ADAMTSL1: variants seen among roughly 807,000 people sequenced by gnomAD.
The protein encoded by ADAMTSL1 is ADAMTS-like protein 1.
A neutral mutation model predicts 201.8 loss-of-function variants in ADAMTSL1; 126 were observed. The ratio of observed to expected loss-of-function variants is 0.62; its 90% confidence interval spans 0.54 to 0.72. The LOEUF is 0.72. ADAMTSL1 is among the 30% of genes least tolerant of loss of function. The pLI, the probability that ADAMTSL1 is intolerant of heterozygous loss-of-function variation, is 0.00. For missense variants in ADAMTSL1, 2,679 were observed against 2,277.8 expected (o/e 1.18, Z -3.59); for synonymous variants, 1,121 against 903.4 (o/e 1.24, Z -4.32).
At chr9:18,176,762 T>A (rs1414772247) in intron 2 of ADAMTSL1, among the ~76,000 whole-genome samples, 1 of 152,190 alleles carries the variant, frequency 6.6e-6, no homozygotes, top group East Asian at 1.9e-4. Flanking sequence ...GAGTTCAGAA[T>A]GTTAACATTT....
chr9:18,400,381 T>A (rs568131309), intron 2 of ADAMTSL1, among the ~76,000 whole-genome samples: 1 of 152,320 alleles, frequency 6.6e-6, no homozygotes, highest in South Asian at 2.1e-4. Context: ...TTTAAAAGTT[T>A]CTTTTAACTT....
Position 18,292,864 on chromosome 9 carries a change from A to G in ADAMTSL1, c.207+128883A>G, listed in dbSNP as rs187752147. ...TTCCTCAACTTGCAGATAACCTATC[A>G]TGGGATTACCTTGTGATCATGTGAG... is the stretch of plus-strand genomic sequence containing the variant. On this transcript the variant is annotated intron_variant, in intron 2 of 29. Coordinates refer to the ADAMTSL1 transcript ENST00000680146. Among the ~76,000 whole-genome samples, 434 of 152,288 alleles carry G rather than the reference A, an allele frequency of 2.8e-3. 1 individual carries two copies. The highest frequency in any genetic ancestry group is 6.8e-3 in the Middle Eastern group (2 of 292).
At chr9:18,204,354 C>G (rs534200874) in intron 2 of ADAMTSL1, among the ~76,000 whole-genome samples, 1 of 152,224 alleles carries the variant, frequency 6.6e-6, no homozygotes, top group African/African-American at 2.4e-5. Context: ...ACTTCTCCTT[C>G]CTGCCACCTT....
chr9:18,137,003 G>C lies in ADAMTSL1; in HGVS notation c.88-26859G>C, dbSNP rs150282344. Among the ~76,000 whole-genome samples the C allele has an allele frequency of 3.0e-3, 450 of 152,258 alleles. 2 individuals are homozygous for C. Among genetic ancestry groups the C allele is most frequent in the Non-Finnish European group, 3.8e-3 (256 of 68,018 alleles). ...TGAGGCAGGGTGTCTGAGTATCATG[G>C]GAAGGGAAGGGAAAGAGTTGAAGCA... On this transcript the variant is annotated intron_variant, in intron 1 of 29. Transcript: ENST00000680146.
chr9:18,802,550 A>G (rs909076141), intron 20 of ADAMTSL1, among the ~76,000 whole-genome samples: 3 of 152,194 alleles, frequency 2.0e-5, no homozygotes, highest in African/African-American at 7.2e-5. Context: ...ATTCTTGTTT[A>G]TGGTAGAATA....
At chr9:17,957,177 G>C (rs1275832070) in intron 1 of ADAMTSL1, among the ~76,000 whole-genome samples, 1 of 152,112 alleles carries the variant, frequency 6.6e-6, no homozygotes, top group Non-Finnish European at 1.5e-5. Context: ...TTATTTTAAA[G>C]ATCAATAAAA....
At chr9:18,711,331 G>A (rs1227105678) in intron 14 of ADAMTSL1, among the ~76,000 whole-genome samples, 1 of 150,474 alleles carries the variant, frequency 6.6e-6, no homozygotes, top group Non-Finnish European at 1.5e-5. Context: ...TCCATCTGAG[G>A]TACTGGGTTC....
intron 2 of ADAMTSL1, among the ~76,000 whole-genome samples, chr9:18,522,939 C>A (rs1818793671): frequency 6.6e-6 from 1 of 152,118 alleles, no homozygotes; most frequent in East Asian, 1.9e-4. Context: ...GATTTATAAT[C>A]CTTTGGGTAT....
At chr9:18,401,817 C>T (rs1220410385) in intron 2 of ADAMTSL1, among the ~76,000 whole-genome samples, 1 of 152,150 alleles carries the variant, frequency 6.6e-6, no homozygotes, top group Non-Finnish European at 1.5e-5. Flanking sequence ...GTGATCTCAG[C>T]TGTGCTTCTG....
In ADAMTSL1 at chr9:18,908,538, G is replaced by A. The variant is rs1401637907; in HGVS notation, c.5279G>A (p.Gly1760Asp). The change falls in exon 29 of 29, where the codon GGC (glycine) becomes GAC (aspartate). Residue 1760 changes from glycine to aspartate, a missense_variant. Transcript: ENST00000380548. Reference sequence around the variant, plus strand: ...AAATCTCGCTGCTGTGGAACTTGTGGCAAAGCGTGAAGATAGGGTGTGGGG... The same window carrying A: ...AAATCTCGCTGCTGTGGAACTTGTGACAAAGCGTGAAGATAGGGTGTGGGG... ...QFKSRCCGTC[G>D]KA 4 of 1,560,538 alleles carry A rather than the reference G, an allele frequency of 2.6e-6. No homozygotes were observed. Among genetic ancestry groups the A allele is most frequent in the African/African-American group, 1.4e-5 (1 of 73,372 alleles).
intron 2 of ADAMTSL1, among the ~76,000 whole-genome samples, chr9:18,506,747 C>T (rs1817686559): frequency 6.6e-6 from 1 of 151,750 alleles, no homozygotes; most frequent in South Asian, 2.1e-4. Context: ...AAGATATGTC[C>T]CTATTTTACT....
intron 23 of ADAMTSL1, among the ~76,000 whole-genome samples, chr9:18,846,360 G>A (rs1009173239): frequency 7.2e-5 from 11 of 152,202 alleles, no homozygotes; most frequent in African/African-American, 2.7e-4. Context: ...AAGACTGGAA[G>A]ACTGGATAGA....
intron 2 of ADAMTSL1, among the ~76,000 whole-genome samples, chr9:18,197,114 C>G (rs1040021552): frequency 1.3e-5 from 2 of 152,094 alleles, no homozygotes; most frequent in African/African-American, 4.8e-5. Flanking sequence ...TTGTGACTGT[C>G]TTATTCAGAG....
At position 18,555,783 on chromosome 9, in the gene ADAMTSL1, T is replaced by C. The variant is rs146451285; in HGVS notation, c.238-18247T>C. ...TCATGTCAGCCAGAGGAGTGAAACA[T>C]TGAGAGAATGGCAAATATGCCAACA... On this transcript the variant is annotated intron_variant, in intron 3 of 28. Coordinates refer to ENST00000380548, the MANE Select transcript of ADAMTSL1 (RefSeq NM_001040272.6). Among the ~76,000 whole-genome samples, 11 of 151,954 alleles carry C rather than the reference T, an allele frequency of 7.2e-5. No homozygotes were observed. In the East Asian group the frequency reaches 1.2e-3, roughly 16 times the overall value.
chr9:18,620,713 C>A (rs2132664495), intron 4 of ADAMTSL1, among the ~76,000 whole-genome samples: 1 of 152,292 alleles, frequency 6.6e-6, no homozygotes, highest in East Asian at 1.9e-4. Flanking sequence ...AACTGCTCCT[C>A]AGCTACACTG....
chr9:17,976,470 A>G (rs1288844854), intron 1 of ADAMTSL1, among the ~76,000 whole-genome samples: 1 of 151,680 alleles, frequency 6.6e-6, no homozygotes, highest in Non-Finnish European at 1.5e-5. Flanking sequence ...CCTAAGTATC[A>G]CATTCTTTTT....
In ADAMTSL1 at chr9:18,565,226, G is replaced by A. The variant is rs184446505; in HGVS notation, c.238-8804G>A. On this transcript the variant is annotated intron_variant, in intron 3 of 28. Coordinates refer to ENST00000380548, the MANE Select transcript of ADAMTSL1 (RefSeq NM_001040272.6). ...ACAGTTTAAAGCTTTCAATATACCTGTAACTAGTGTTCTCTTAGTAAACAC... is the reference window on the plus strand; with the variant it reads ...ACAGTTTAAAGCTTTCAATATACCTATAACTAGTGTTCTCTTAGTAAACAC... Among the ~76,000 whole-genome samples the A allele has an allele frequency of 1.7e-3, 263 of 152,236 alleles. 2 individuals are homozygous for A. Among genetic ancestry groups the A allele is most frequent in the Non-Finnish European group, 2.1e-3 (141 of 68,002 alleles).
chr9:18,296,393 T>C (rs1300819742), intron 2 of ADAMTSL1, among the ~76,000 whole-genome samples: 2 of 152,180 alleles, frequency 1.3e-5, no homozygotes, highest in Non-Finnish European at 2.9e-5. Context: ...GGGAATTATT[T>C]TTATCTTAGA....
At chr9:18,631,506 A>G (rs1005919106) in intron 5 of ADAMTSL1, among the ~76,000 whole-genome samples, 1 of 152,250 alleles carries the variant, frequency 6.6e-6, no homozygotes, top group Non-Finnish European at 1.5e-5. Context: ...AAAATAAAAT[A>G]AAATAAAGTG....
Sources: allele counts gnomAD v4.1 joint callset (sites outside exome capture counted in the v4.1 genomes callset), GRCh38; gene constraint gnomAD v4.1.1; transcripts MANE v1.5; gene names NCBI Gene and HGNC (gene_info 2026-07-23, HGNC 2026-07-21).